ADGRV1: variants seen among roughly 807,000 people sequenced by gnomAD.
ADGRV1 encodes adhesion G protein-coupled receptor V1.
A neutral mutation model predicts 596.2 loss-of-function variants in ADGRV1; 359 were observed. The ratio of observed to expected loss-of-function variants is 0.60; its 90% confidence interval spans 0.55 to 0.66. The LOEUF (loss-of-function observed/expected upper bound fraction) is 0.66, where lower values mean the gene tolerates loss of function less well. Among genes scored for constraint, ADGRV1 ranks in the 30% least tolerant of loss-of-function variants. ADGRV1 has a pLI of 0.00. For missense variants in ADGRV1, 7,274 were observed against 7,575.6 expected, an observed-to-expected ratio of 0.96 and a Z score of 1.48; for synonymous variants, 2,681 against 2,679.2, an observed-to-expected ratio of 1.00 and a Z score of -0.02.
chr5:91,051,862 A>G (rs958751363), intron 85 of ADGRV1, among the ~76,000 whole-genome samples: 2 of 152,112 alleles, frequency 1.3e-5, no homozygotes, highest in Admixed American at 6.5e-5. Context: ...ACTTTTTTAC[A>G]ATGATGAGAA....
At chr5:90,918,297 G>A (rs557178404) in intron 83 of ADGRV1, among the ~76,000 whole-genome samples, 2 of 152,226 alleles carry the variant, frequency 1.3e-5, no homozygotes, top group African/African-American at 2.4e-5. Flanking sequence ...GTTTTATGAC[G>A]GACCACATCT....
At chr5:91,027,574 G>A (rs980770002) in intron 85 of ADGRV1, among the ~76,000 whole-genome samples, 3 of 152,170 alleles carry the variant, frequency 2.0e-5, no homozygotes, top group Non-Finnish European at 2.9e-5. Flanking sequence ...TCTGCTCTGT[G>A]CTGAAGGCAA....
At chr5:90,777,414 T>C (rs913841851) in intron 61 of ADGRV1, among the ~76,000 whole-genome samples, 4 of 152,044 alleles carry the variant, frequency 2.6e-5, no homozygotes, top group African/African-American at 9.7e-5. Flanking sequence ...CATAGGCAAG[T>C]TTGTTTCTGG....
intron 85 of ADGRV1, among the ~76,000 whole-genome samples, chr5:91,013,734 T>C (rs1782917178): frequency 1.3e-5 from 2 of 152,098 alleles, no homozygotes; most frequent in South Asian, 4.1e-4. Context: ...TGTCAATTTT[T>C]GCTTTTGTTG....
chr5:90,854,170 C>T lies in ADGRV1; in HGVS notation c.17563C>T (p.Leu5855=), dbSNP rs1357809278. ...GCCTAGAATTATTCCTCAGACATCT[C>T]TGTGTCTCCTTTGGAATCAGGCTGC... ...AEPRIIPQTS[L]CLLWNQAAAS... is the part of the protein sequence containing the mutation. The change falls in exon 81 of 90, where the codon CTG becomes TTG. Residue 5855 remains leucine (L), a synonymous_variant. Coordinates refer to ENST00000405460, the MANE Select transcript of ADGRV1 (RefSeq NM_032119.4). The T allele has an allele frequency of 1.3e-6, 2 of 1,553,520 alleles. No individual in the cohort carries two copies. The highest frequency in any genetic ancestry group is 1.7e-4 in the Middle Eastern group (1 of 5,946).
intron 43 of ADGRV1, chr5:90,717,066 T>A: frequency 6.3e-6 from 1 of 158,446 alleles, no homozygotes. Flanking sequence ...AGCCAACTTT[T>A]GTAAACATTA....
chr5:91,100,786 G>C lies in ADGRV1; in HGVS notation c.18311-1433G>C, dbSNP rs535217189. 2.0e-5 allele frequency among the ~76,000 whole-genome samples: 3 copies of C among 152,234 alleles called. No homozygotes were observed. The East Asian group carries it at 5.8e-4, about 29-fold the overall frequency. ...GTAACGGGAAAAATTGAGTTCTTGC[G>C]TCACCTTATAGAATGCTGTAAGATG... On this transcript the variant is annotated intron_variant, in intron 86 of 89. Transcript: ENST00000405460.
At chr5:90,821,586 G>A (rs1763513212) in intron 75 of ADGRV1, among the ~76,000 whole-genome samples, 2 of 151,178 alleles carry the variant, frequency 1.3e-5, no homozygotes, top group South Asian at 2.1e-4. Context: ...ATGTACAGAT[G>A]GGTTTTTGGT....
intron 9 of ADGRV1, among the ~76,000 whole-genome samples, chr5:90,634,012 A>G (rs1330942317): frequency 6.6e-6 from 1 of 152,196 alleles, no homozygotes; most frequent in Non-Finnish European, 1.5e-5. Flanking sequence ...GTGATTACTT[A>G]GTGTCATCAT....
Position 90,759,484 on chromosome 5 carries a change from A to T in ADGRV1, c.12016A>T (p.Ile4006Phe). The change falls in exon 58 of 90, where the codon ATC becomes TTC. Residue 4006 changes from isoleucine to phenylalanine, a missense_variant. Transcript: ENST00000405460. ...ELTETFNISLISVAGGGRLGD... is the reference protein window; with the variant it reads ...ELTETFNISLFSVAGGGRLGD... ...GACAGAGACGTTCAATATTTCCTTG[A>T]TCAGTGTTGCTGGAGGTGGCAGACT... 6.2e-7 allele frequency: 1 copy of T among 1,610,634 alleles called. No individual in the cohort carries two copies. The highest frequency in any genetic ancestry group is 1.1e-5 in the South Asian group (1 of 90,262).
chr5:91,149,619 G>A (rs1373621325), intron 87 of ADGRV1, among the ~76,000 whole-genome samples: 1 of 152,006 alleles, frequency 6.6e-6, no homozygotes, highest in Non-Finnish European at 1.5e-5. Context: ...CTCACTTGAG[G>A]TCAGGAGTTC....
rs1014773129 is a variant in ADGRV1, at chr5:90,695,784, G to A, written c.7945+1083G>A. 3.3e-5 allele frequency among the ~76,000 whole-genome samples: 5 copies of A among 152,002 alleles called. No individual in the cohort carries two copies. The South Asian group carries it at 6.2e-4, about 19-fold the overall frequency. On this transcript the variant is annotated intron_variant, in intron 33 of 89. Coordinates refer to ENST00000405460, the MANE Select transcript of ADGRV1 (RefSeq NM_032119.4). Reference sequence around the variant, plus strand: ...AGTCAGTGATTTGAGGATTTAGTGGGATATGATATGCTTGACGGAAGATGG... The same window carrying A: ...AGTCAGTGATTTGAGGATTTAGTGGAATATGATATGCTTGACGGAAGATGG...
chr5:91,083,142 C>A (rs139035903), intron 86 of ADGRV1, among the ~76,000 whole-genome samples: 2,271 of 148,450 alleles, frequency 0.015, 60 homozygotes, highest in African/African-American at 0.053. Flanking sequence ...GTCGCAAGGA[C>A]AGAAAACCAA....
intron 86 of ADGRV1, among the ~76,000 whole-genome samples, chr5:91,097,309 G>T (rs1243717476): frequency 1.3e-5 from 2 of 152,096 alleles, no homozygotes; most frequent in Non-Finnish European, 2.9e-5. Context: ...ATTCATGAGG[G>T]CTCTACTCTC....
At chr5:90,630,765 TTCC>T (rs1162170766) in intron 9 of ADGRV1, among the ~76,000 whole-genome samples, 1 of 152,204 alleles carries the variant, frequency 6.6e-6, no homozygotes, top group Admixed American at 6.5e-5. Flanking sequence ...GGATTTATTA[TTCC>T]TTTCTCTGGA....
At chr5:91,080,545 A>G (rs921160199) in intron 86 of ADGRV1, among the ~76,000 whole-genome samples, 4 of 150,784 alleles carry the variant, frequency 2.7e-5, no homozygotes, top group Non-Finnish European at 5.9e-5. Context: ...CTCTAATTTC[A>G]TAAAAGTAGT....
At chr5:90,966,583 A>G (rs1012715648) in intron 84 of ADGRV1, among the ~76,000 whole-genome samples, 12 of 151,694 alleles carry the variant, frequency 7.9e-5, no homozygotes, top group African/African-American at 2.2e-4. Flanking sequence ...CTGGGAAGCT[A>G]TTGGCTTAGA....
chr5:90,820,385 G>A (rs1763362355), intron 75 of ADGRV1, among the ~76,000 whole-genome samples: 1 of 148,472 alleles, frequency 6.7e-6, no homozygotes, highest in African/African-American at 2.5e-5. Context: ...GCCAGTCTGT[G>A]TCTTTTAATT....
At chr5:91,157,782 G>C (rs921520488) in intron 89 of ADGRV1, among the ~76,000 whole-genome samples, 4 of 152,156 alleles carry the variant, frequency 2.6e-5, no homozygotes, top group African/African-American at 9.7e-5. Flanking sequence ...CAGAATAATA[G>C]ATATGGAAAT....
Sources: allele counts gnomAD v4.1 joint callset (sites outside exome capture counted in the v4.1 genomes callset), GRCh38; gene constraint gnomAD v4.1.1; transcripts MANE v1.5; gene names NCBI Gene and HGNC (gene_info 2026-07-23, HGNC 2026-07-21).